Variants in MSN observed in about 807,000 individuals in gnomAD.
The protein encoded by MSN is moesin.
A neutral mutation model predicts 48.0 loss-of-function variants in MSN; 2 were observed. The observed-to-expected ratio is 0.04, with a 90% CI of 0.02 to 0.13. The LOEUF (loss-of-function observed/expected upper bound fraction) is 0.13. Among genes scored for constraint, MSN ranks in the 10% least tolerant of loss-of-function variants. The pLI is 1.00. For synonymous variants in MSN, 146 were observed against 166.9 expected (o/e 0.87, Z 0.97); for missense variants, 267 against 470.1 (o/e 0.57, Z 3.99).
chrX:65,643,744 G>A (rs1197214462), intron 1 of MSN, among the ~76,000 whole-genome samples: 1 of 111,485 alleles, frequency 9.0e-6, no homozygotes, highest in African/African-American at 3.3e-5. Flanking sequence ...TAGCTTCTTG[G>A]TCCCCTGTCA....
chrX:65,715,155 C>T (rs1185766590), intron 1 of MSN, among the ~76,000 whole-genome samples: 1 of 110,851 alleles, frequency 9.0e-6, no homozygotes, highest in African/African-American at 3.3e-5. Context: ...TTTCTGGGCT[C>T]TCTATTCTGC....
chrX:65,669,200 C>T (rs1163866822), intron 1 of MSN, among the ~76,000 whole-genome samples: 1 of 111,240 alleles, frequency 9.0e-6, no homozygotes, highest in Non-Finnish European at 1.9e-5. Flanking sequence ...CCCTAGTCCC[C>T]GCCCCCAAAG....
intron 1 of MSN, among the ~76,000 whole-genome samples, chrX:65,683,940 TTC>T (rs1202699961): frequency 2.3e-4 from 24 of 102,201 alleles, no homozygotes; most frequent in Middle Eastern, 5.2e-3. Context: ...TTCTTTCTTT[TTC>T]TTTTTTTTTT....
chrX:65,631,280 G>A (rs1027543710), intron 1 of MSN, among the ~76,000 whole-genome samples: 1 of 109,698 alleles, frequency 9.1e-6, no homozygotes, highest in Non-Finnish European at 1.9e-5. Flanking sequence ...TTTTAGTAGA[G>A]ATGGGATTTC....
At chrX:65,715,315 T>C (rs1161762717) in intron 1 of MSN, among the ~76,000 whole-genome samples, 2 of 112,102 alleles carry the variant, frequency 1.8e-5, no homozygotes, top group African/African-American at 6.5e-5. Context: ...TGTTTTTTTG[T>C]TTCCATATGA....
chrX:65,630,387 A>G (rs1474641383), intron 1 of MSN, among the ~76,000 whole-genome samples: 1 of 111,032 alleles, frequency 9.0e-6, no homozygotes, highest in Non-Finnish European at 1.9e-5. Context: ...CCTAGGCAAC[A>G]TAGTGAGAGT....
At chrX:65,716,595 TG>T (rs984352101) in intron 1 of MSN, 1 of 439,363 alleles carries the variant, frequency 2.3e-6, no homozygotes, top group African/African-American at 2.4e-5. Flanking sequence ...GTCTGTTCTT[TG>T]GTAAGTATTG....
rs1423168613 is a variant in MSN at position 65,679,782 on chromosome X, AACATAAACCTT to A, written c.12+11932_12+11942del. Among the ~76,000 whole-genome samples, 4 of 112,598 alleles carry A rather than the reference AACATAAACCTT, an allele frequency of 3.6e-5. No homozygotes were observed. The East Asian group carries it at 1.1e-3, about 31-fold the overall frequency. On this transcript the variant is annotated intron_variant, in intron 1 of 12. Coordinates refer to ENST00000360270, the MANE Select transcript of MSN (RefSeq NM_002444.3). ...CTCAGCCACCTAAGAGTTGGCCATG[AACATAAACCTT>A]ACCTGCTCTGAGCCCCCTGGAGAAA...
chrX:65,641,438 G>A (rs1339096374), intron 1 of MSN, among the ~76,000 whole-genome samples: 12 of 98,984 alleles, frequency 1.2e-4, no homozygotes, highest in African/African-American at 4.4e-4. Context: ...GCTGAGGCAG[G>A]AGAATCACTT....
intron 1 of MSN, among the ~76,000 whole-genome samples, chrX:65,619,962 C>G (rs780682745): frequency 9.0e-6 from 1 of 110,780 alleles, no homozygotes; most frequent in Non-Finnish European, 1.9e-5. Flanking sequence ...TTGGAGTACC[C>G]GGCCGTGTGA....
chrX:65,739,396 G>C (rs1254047728), intron 12 of MSN, among the ~76,000 whole-genome samples: 1 of 111,393 alleles, frequency 9.0e-6, no homozygotes, highest in East Asian at 2.8e-4. Context: ...CCCTTTTTGA[G>C]ATTTTCTCTC....
At chrX:65,602,284 T>C (rs746762606) in intron 1 of MSN, among the ~76,000 whole-genome samples, 11 of 111,628 alleles carry the variant, frequency 9.9e-5, no homozygotes, top group Non-Finnish European at 1.9e-4. Flanking sequence ...GAATTAATGA[T>C]AGAGTGACAG....
chrX:65,738,319 T>A (rs914638014), intron 10 of MSN, among the ~76,000 whole-genome samples: 1 of 111,135 alleles, frequency 9.0e-6, no homozygotes, highest in African/African-American at 3.3e-5. Context: ...AGGCCTACAG[T>A]CTAGGTGGGG....
chrX:65,723,904 T>C (rs927666889), intron 2 of MSN, among the ~76,000 whole-genome samples: 8 of 111,278 alleles, frequency 7.2e-5, no homozygotes, highest in African/African-American at 2.6e-4. Context: ...CTGAGAGATA[T>C]TACTCATCTC....
At position 65,722,099 on chromosome X, in the gene MSN, C is replaced by T. The variant is rs376738189; in HGVS notation, c.96+5198C>T. On this transcript the variant is annotated intron_variant, in intron 2 of 12. Transcript: ENST00000360270. ...TATCTCTAAACAAACAAACAAAAAACGATAAAAGAAAGAAACTTAGAACCT... is the reference window on the plus strand; with the variant it reads ...TATCTCTAAACAAACAAACAAAAAATGATAAAAGAAAGAAACTTAGAACCT... Among the ~76,000 whole-genome samples, 4 of 111,318 alleles carry T rather than the reference C, an allele frequency of 3.6e-5. No individual in the cohort carries two copies. In the Admixed American group the frequency reaches 3.8e-4, roughly 11 times the overall value.
intron 1 of MSN, among the ~76,000 whole-genome samples, chrX:65,590,449 G>C (rs1281254992): frequency 9.0e-6 from 1 of 110,680 alleles, no homozygotes; most frequent in African/African-American, 3.3e-5. Context: ...CTTCCTTAGG[G>C]GCCAGGGTAA....
chrX:65,650,052 CTTTTTTT>C (rs59222247), intron 1 of MSN, among the ~76,000 whole-genome samples: 10 of 53,198 alleles, frequency 1.9e-4, no homozygotes, highest in Non-Finnish European at 1.9e-4. Flanking sequence ...CCTTTTTTCT[CTTTTTTT>C]TTTTTTTTTT....
chrX:65,681,641 G>T (rs978918287), intron 1 of MSN, among the ~76,000 whole-genome samples: 5 of 112,275 alleles, frequency 4.5e-5, no homozygotes, highest in Non-Finnish European at 7.5e-5. Context: ...AACCATTCCA[G>T]ATTTTAGTTC....
chrX:65,668,253 A>G (rs1314646072), intron 1 of MSN, among the ~76,000 whole-genome samples: 5 of 112,471 alleles, frequency 4.4e-5, no homozygotes, highest in African/African-American at 1.6e-4. Flanking sequence ...AAGGCTGCCA[A>G]TGTCCAAGAG....
Sources: allele counts gnomAD v4.1 joint callset (sites outside exome capture counted in the v4.1 genomes callset), GRCh38; gene constraint gnomAD v4.1.1; transcripts MANE v1.5; gene names NCBI Gene and HGNC (gene_info 2026-07-23, HGNC 2026-07-21).